Variants in ESR2 observed in about 807,000 individuals in gnomAD.
ESR2 encodes the protein estrogen receptor beta.
A neutral mutation model predicts 49.6 loss-of-function variants in ESR2; 36 were observed. The ratio of observed to expected loss-of-function variants is 0.73; its 90% CI spans 0.56 to 0.96. The LOEUF (loss-of-function observed/expected upper bound fraction) is 0.96. Ranked by LOEUF, ESR2 falls within the 40% of genes least tolerant of loss-of-function variation. The pLI, the probability that ESR2 is intolerant of heterozygous loss-of-function variation, is 0.00. For missense variants in ESR2, 714 were observed against 693.0 expected (o/e 1.03, Z -0.34); for synonymous variants, 320 against 266.1 (o/e 1.20, Z -1.97).
At chr14:64,276,394 C>A (rs2076558405) in intron 3 of ESR2, among the ~76,000 whole-genome samples, 1 of 152,054 alleles carries the variant, frequency 6.6e-6, no homozygotes, top group African/African-American at 2.4e-5. Flanking sequence ...TAAAGAGAAG[C>A]AAATTGAAAC....
intron 7 of ESR2, among the ~76,000 whole-genome samples, chr14:64,245,608 T>C (rs1335477336): frequency 6.6e-6 from 1 of 151,646 alleles, no homozygotes; most frequent in Non-Finnish European, 1.5e-5. Flanking sequence ...TTACATCACA[T>C]GTCTCCCTCG....
In ESR2 at chr14:64,264,504, G is replaced by A. The variant is rs555317625; in HGVS notation, c.653-3756C>T. Among the ~76,000 whole-genome samples the A allele has an allele frequency of 3.9e-5, 6 of 152,202 alleles. No individual in the cohort carries two copies. The East Asian group carries it at 1.2e-3, about 29-fold the overall frequency. On this transcript the variant is annotated intron_variant, in intron 4 of 8. Transcript: ENST00000341099. ...ATACTTTAGGTTCTGGGATACATGT[G>A]CAGAACATGCAGGTTTGTTACATAG... is the stretch of plus-strand genomic sequence containing the variant.
chr14:64,330,280 G>C (rs1302475314), intron 1 of ESR2: 1 of 151,856 alleles, frequency 6.6e-6, no homozygotes, highest in African/African-American at 2.4e-5. Flanking sequence ...AAATACAAAA[G>C]TAGCCAGGCG....
rs1219429818 is a variant in ESR2, at chr14:64,282,795, T to C, written c.191A>G (p.Asn64Ser). 1.2e-6 allele frequency: 2 copies of C among 1,614,086 alleles called. No individual in the cohort carries two copies. The highest frequency in any genetic ancestry group is 2.7e-5 in the African/African-American group (2 of 74,932). Residue 64 changes from asparagine to serine, a missense_variant, in exon 2 of 9, where the codon AAC becomes AGC. Physicochemically the swap from Asn to Ser is conservative, Grantham distance 46 (BLOSUM62 1). Transcript: ENST00000341099. ...CTGCCGACCAGGCCCACCTTCCAAG[T>C]TAGTGACATTGCTGGGAATGCTGTA... ...MNYSIPSNVT[N>S]LEGGPGRQTT...
At chr14:64,227,789 G>T, downstream of ESR2, 1 of 1,547,274 alleles carries the variant, frequency 6.5e-7, no homozygotes, top group Non-Finnish European at 8.7e-7. Flanking sequence ...TCAAAGCTCA[G>T]TGTATTCCCA....
intron 1 of ESR2, among the ~76,000 whole-genome samples, chr14:64,326,153 T>C (rs1421082535): frequency 1.3e-5 from 2 of 152,194 alleles, no homozygotes; most frequent in African/African-American, 4.8e-5. Context: ...AAAGTGGTTA[T>C]AGTCGAAGGA....
At chr14:64,277,474 A>T (rs2076578259) in intron 3 of ESR2, among the ~76,000 whole-genome samples, 1 of 151,814 alleles carries the variant, frequency 6.6e-6, no homozygotes, top group Non-Finnish European at 1.5e-5. Flanking sequence ...AAATACAAAA[A>T]ATTAGCAGGG....
intron 1 of ESR2, among the ~76,000 whole-genome samples, chr14:64,325,084 A>T (rs932797700): frequency 6.6e-6 from 1 of 152,186 alleles, no homozygotes; most frequent in African/African-American, 2.4e-5. Flanking sequence ...GATATTGACA[A>T]ATGCATTTCC....
At chr14:64,234,122 A>G (rs2098730021) in intron 8 of ESR2, 1 of 152,210 alleles carries the variant, frequency 6.6e-6, no homozygotes, top group Non-Finnish European at 1.5e-5. Flanking sequence ...AAGCAGATAA[A>G]TTCACAATGA....
intron 1 of ESR2, among the ~76,000 whole-genome samples, chr14:64,326,597 G>C (rs952879830): frequency 3.9e-5 from 6 of 152,038 alleles, no homozygotes; most frequent in African/African-American, 1.4e-4. Context: ...GTCAATGAAT[G>C]CTCAAATTGG....
At chr14:64,281,020 A>G (rs572476338) in intron 2 of ESR2, among the ~76,000 whole-genome samples, 1 of 152,336 alleles carries the variant, frequency 6.6e-6, no homozygotes, top group East Asian at 1.9e-4. Flanking sequence ...AAAAAATAAA[A>G]TAAAAATAAC....
intron 4 of ESR2, among the ~76,000 whole-genome samples, chr14:64,267,129 T>C (rs2034660462): frequency 6.6e-6 from 1 of 152,228 alleles, no homozygotes. Flanking sequence ...TTTGCATGCC[T>C]TGGCCTCCCA....
At chr14:64,304,113 C>G (rs991732569) in intron 1 of ESR2, among the ~76,000 whole-genome samples, 1 of 152,150 alleles carries the variant, frequency 6.6e-6, no homozygotes, top group African/African-American at 2.4e-5. Flanking sequence ...AGTTCAAAAA[C>G]AGGCTGAGCA....
intron 5 of ESR2, among the ~76,000 whole-genome samples, chr14:64,259,989 G>A (rs895102901): frequency 6.6e-6 from 1 of 151,944 alleles, no homozygotes; most frequent in African/African-American, 2.4e-5. Context: ...TTGCCCAAAT[G>A]ACCCCAAGCC....
intron 1 of ESR2, among the ~76,000 whole-genome samples, chr14:64,313,099 T>G (rs1025265811): frequency 1.2e-4 from 19 of 152,070 alleles, no homozygotes; most frequent in African/African-American, 4.6e-4. Flanking sequence ...CAAAGTAGAC[T>G]TCAGAGCAAA....
At chr14:64,310,286 A>AAAT (rs140862502) in intron 1 of ESR2, among the ~76,000 whole-genome samples, 28,374 of 142,250 alleles carry the variant, frequency 0.2, 2,910 homozygotes, top group African/African-American at 0.25. Flanking sequence ...TCGTCTCAAA[A>AAAT]AATAATAATA....
At chr14:64,289,512 C>CA (rs1018785047) in intron 1 of ESR2, among the ~76,000 whole-genome samples, 17 of 141,538 alleles carry the variant, frequency 1.2e-4, no homozygotes, top group Admixed American at 1.0e-3. Flanking sequence ...AACTTCATTT[C>CA]AAAAAAAATA....
At chr14:64,277,150 A>G (rs1372966225) in intron 3 of ESR2, among the ~76,000 whole-genome samples, 1 of 152,186 alleles carries the variant, frequency 6.6e-6, no homozygotes, top group Non-Finnish European at 1.5e-5. Context: ...CAGTAGAGAA[A>G]CAACAGCACT....
intron 7 of ESR2, among the ~76,000 whole-genome samples, chr14:64,238,755 T>G (rs1294750976): frequency 7.0e-6 from 1 of 142,608 alleles, no homozygotes; most frequent in Non-Finnish European, 1.6e-5. Flanking sequence ...AAGTATAGTT[T>G]AAAAAAAAAA....
Sources: gnomAD v4.1 joint callset for allele counts (sites outside exome capture counted in the v4.1 genomes callset) on GRCh38, gnomAD v4.1.1 for gene constraint, MANE v1.5 for transcripts, NCBI Gene and HGNC (gene_info 2026-07-23, HGNC 2026-07-21) for gene names.